The following PRKACA variants were observed in gnomAD, a reference collection of about 807,000 sequenced individuals.
PRKACA encodes the protein cAMP-dependent protein kinase catalytic subunit alpha.
A neutral mutation model predicts 45.8 loss-of-function variants in PRKACA; 9 were observed. The ratio of observed to expected loss-of-function variants is 0.20; its 90% CI spans 0.12 to 0.34. PRKACA has a LOEUF of 0.34. Ranked by LOEUF, PRKACA falls within the 10% of genes least tolerant of loss-of-function variation. PRKACA has a pLI of 1.00. For missense variants in PRKACA, 238 were observed against 458.6 expected (o/e 0.52, Z 4.39); for synonymous variants, 160 against 178.6 (o/e 0.90, Z 0.83).
intron 4 of PRKACA, among the ~76,000 whole-genome samples, chr19:14,102,047 C>A (rs1173344030): frequency 6.6e-6 from 1 of 151,636 alleles, no homozygotes; most frequent in Non-Finnish European, 1.5e-5. Flanking sequence ...ACCTGTAATC[C>A]CCGCTACTCA....
At chr19:14,114,176 G>A (rs1401507603) in intron 1 of PRKACA, 8 of 1,609,446 alleles carry the variant, frequency 5.0e-6, no homozygotes, top group Middle Eastern at 1.7e-4. Flanking sequence ...TGTTCTCAGG[G>A]CACCGGCACT....
chr19:14,115,880 C>G (rs1282960121), intron 1 of PRKACA, among the ~76,000 whole-genome samples: 4 of 152,106 alleles, frequency 2.6e-5, no homozygotes, highest in African/African-American at 4.8e-5. Flanking sequence ...CCTCCCCCCC[C>G]GGCCAAGTCC....
At position 14,097,942 on chromosome 19, in the gene PRKACA, T is replaced by G. The variant is rs764842295; in HGVS notation, c.420-52A>C. 1.2e-6 allele frequency: 2 copies of G among 1,607,212 alleles called. No individual in the cohort carries two copies. Among genetic ancestry groups the G allele is most frequent in the Middle Eastern group, 1.7e-4 (1 of 5,898 alleles). On this transcript the variant is annotated intron_variant, in intron 5 of 9. Transcript: ENST00000308677. The surrounding 1 kb of genome is among the most constrained non-coding windows in gnomAD (Gnocchi z 5.4). The stretch of plus-strand genomic sequence containing the variant: ...CGTCAGTGGTCATGCCCCAAAATGG[T>G]CCAGCAGGTGGCCCTGCAGAGCCTA...
chr19:14,095,555 G>C lies in PRKACA; in HGVS notation c.766-1763C>G, dbSNP rs1196293361. On this transcript the variant is annotated intron_variant, in intron 8 of 9. Transcript: ENST00000308677. ...TTTTTTTGAGACAGAGTCTTGCTCT[G>C]TCACCCAGGCTGAAGTGCAGTGGCG... 2.6e-5 allele frequency among the ~76,000 whole-genome samples: 4 copies of C among 152,082 alleles called. No individual in the cohort carries two copies. In the South Asian group the frequency reaches 8.3e-4, roughly 32 times the overall value.
Position 14,097,584 on chromosome 19 carries a change from T to G in PRKACA, c.637A>C (p.Ser213Arg), listed in dbSNP as rs746506291. Reference protein sequence around the residue: ...PEYLAPEIILSKGYNKAVDWW... With the variant: ...PEYLAPEIILRKGYNKAVDWW... ...AGGGCTGGGGAGGCTCCTACTTTGC[T>G]CAGGATAATCTCAGGGGCCAGGTAC... Residue 213 changes from serine (S) to arginine (R), a missense_variant, in exon 7 of 10, where the codon AGC (serine) becomes CGC (arginine). By Grantham distance (110) the Ser-to-Arg change is moderately radical. Transcript: ENST00000308677. The surrounding 1 kb of genome is among the most constrained non-coding windows in gnomAD (Gnocchi z 5.4). The G allele has an allele frequency of 6.2e-7, 1 of 1,613,376 alleles. No homozygotes were observed. The highest frequency in any genetic ancestry group is 8.5e-7 in the Non-Finnish European group (1 of 1,179,640).
intron 8 of PRKACA, among the ~76,000 whole-genome samples, chr19:14,095,258 C>T (rs1482574725): frequency 6.7e-6 from 1 of 149,978 alleles, no homozygotes; most frequent in Non-Finnish European, 1.5e-5. Context: ...GCAACCTCTG[C>T]CTCCCGGTTT....
intron 8 of PRKACA, among the ~76,000 whole-genome samples, chr19:14,094,259 G>A (rs1977182668): frequency 6.6e-6 from 1 of 151,444 alleles, no homozygotes; most frequent in Non-Finnish European, 1.5e-5. Context: ...TGCGATCTGG[G>A]CTCACTGCAA....
intron 5 of PRKACA, 74 bp downstream of exon 5, chr19:14,100,752 C>T: frequency 6.8e-7 from 1 of 1,463,154 alleles, no homozygotes; most frequent in African/African-American, 1.4e-5. Flanking sequence ...CTCTGCATTC[C>T]CAGGGGGCTT....
intron 1 of PRKACA, among the ~76,000 whole-genome samples, chr19:14,109,533 G>C (rs1189345523): frequency 6.6e-6 from 1 of 151,726 alleles, no homozygotes. Flanking sequence ...CAGGAGAATT[G>C]CTTGAATCCG....
At chr19:14,105,896 C>G (rs993407188) in intron 3 of PRKACA, among the ~76,000 whole-genome samples, 3 of 152,246 alleles carry the variant, frequency 2.0e-5, no homozygotes, top group African/African-American at 4.8e-5. Context: ...ATAAACACCA[C>G]TTCCCCCAAG....
intron 1 of PRKACA, among the ~76,000 whole-genome samples, chr19:14,113,968 C>T (rs1225993937): frequency 1.3e-5 from 2 of 152,158 alleles, no homozygotes; most frequent in African/African-American, 2.4e-5. Context: ...CTCTCTCTTC[C>T]CCAGGCCGCA....
intron 4 of PRKACA, among the ~76,000 whole-genome samples, chr19:14,101,761 T>TGAGGCA (rs1295459394): frequency 1.3e-5 from 2 of 150,756 alleles, no homozygotes; most frequent in Non-Finnish European, 2.9e-5. Context: ...CTCGGGAGGC[T>TGAGGCA]GAGGCAGAAG....
At chr19:14,105,031 G>A (rs1977561699) in intron 3 of PRKACA, among the ~76,000 whole-genome samples, 1 of 151,952 alleles carries the variant, frequency 6.6e-6, no homozygotes, top group Non-Finnish European at 1.5e-5. Flanking sequence ...TCAGAGTTGA[G>A]AACTGTTGTA....
chr19:14,106,683 T>C (rs1387400574), intron 3 of PRKACA, 77 bp downstream of exon 3: 1 of 1,579,350 alleles, frequency 6.3e-7, no homozygotes, highest in Non-Finnish European at 8.7e-7. Flanking sequence ...AACGGGTGGA[T>C]AGGGCACTCT....
At chr19:14,109,422 T>C (rs1977705184) in intron 1 of PRKACA, among the ~76,000 whole-genome samples, 2 of 151,962 alleles carry the variant, frequency 1.3e-5, no homozygotes, top group South Asian at 4.2e-4. Flanking sequence ...CACTCCAGCC[T>C]AGGCGACGGG....
chr19:14,109,171 A>AC (rs1040891837), intron 1 of PRKACA, among the ~76,000 whole-genome samples: 5 of 149,956 alleles, frequency 3.3e-5, no homozygotes, highest in African/African-American at 1.2e-4. Flanking sequence ...ACATGGCGAA[A>AC]CCCCATCTCT....
chr19:14,095,614 G>T (rs1051249158), intron 8 of PRKACA, among the ~76,000 whole-genome samples: 1 of 151,610 alleles, frequency 6.6e-6, no homozygotes, highest in African/African-American at 2.4e-5. Context: ...TGTCTCCCGG[G>T]TTCAAGCAGT....
chr19:14,106,636 A>C, intron 3 of PRKACA, 124 bp downstream of exon 3: 2 of 1,362,504 alleles, frequency 1.5e-6, no homozygotes, highest in Non-Finnish European at 2.0e-6. Context: ...CCTGAGCGAC[A>C]GAGCGAGACT....
At chr19:14,099,081 C>G (rs1383001051) in intron 5 of PRKACA, among the ~76,000 whole-genome samples, 1 of 151,966 alleles carries the variant, frequency 6.6e-6, no homozygotes, top group Non-Finnish European at 1.5e-5. Context: ...CACCTGAGGT[C>G]AGGAGTTCGA....
Sources: gnomAD v4.1 joint callset for allele counts (sites outside exome capture counted in the v4.1 genomes callset) on GRCh38, gnomAD v4.1.1 for gene constraint, Gnocchi (gnomAD v3.1) non-coding constraint, MANE v1.5 for transcripts, NCBI Gene and HGNC (gene_info 2026-07-23, HGNC 2026-07-21) for gene names.